The following SMURF2 variants were observed in gnomAD, a reference collection of about 807,000 sequenced individuals.
SMURF2 encodes the protein SMAD specific E3 ubiquitin protein ligase 2.
Under a neutral mutation model 109.6 loss-of-function variants are expected in SMURF2, and 48 were observed. That is an observed-to-expected ratio of 0.44 (90% confidence interval 0.35 to 0.56). The LOEUF (loss-of-function observed/expected upper bound fraction) is 0.56, where lower values mean the gene tolerates loss of function less well. SMURF2 is among the 20% of genes least tolerant of loss of function. The pLI, the probability that SMURF2 is intolerant of heterozygous loss-of-function variation, is 0.01. For missense variants in SMURF2, 575 were observed against 909.0 expected, an observed-to-expected ratio of 0.63 and a Z score of 4.72; for synonymous variants, 288 against 317.1, an observed-to-expected ratio of 0.91 and a Z score of 0.97.
intron 1 of SMURF2, among the ~76,000 whole-genome samples, chr17:64,627,977 T>C (rs1164569869): frequency 6.6e-6 from 1 of 152,172 alleles, no homozygotes; most frequent in Non-Finnish European, 1.5e-5. Flanking sequence ...CAATCTTTGG[T>C]CTCCAACAGT....
At chr17:64,583,325 G>A in intron 7 of SMURF2, 136 bp downstream of exon 7, 1 of 661,348 alleles carries the variant, frequency 1.5e-6, no homozygotes. Context: ...AATAACAATG[G>A]CACCTGTTAT....
At chr17:64,632,150 G>A (rs1408530327) in intron 1 of SMURF2, among the ~76,000 whole-genome samples, 1 of 151,950 alleles carries the variant, frequency 6.6e-6, no homozygotes, top group African/African-American at 2.4e-5. Flanking sequence ...GTAGAGACGG[G>A]GTTTCACTAT....
At chr17:64,647,221 C>T (rs1415884353) in intron 1 of SMURF2, among the ~76,000 whole-genome samples, 1 of 151,520 alleles carries the variant, frequency 6.6e-6, no homozygotes, top group African/African-American at 2.4e-5. Context: ...AGTCTTCTTC[C>T]TTGCTAGAAA....
At chr17:64,568,454 CCT>C (rs1282393656) in intron 10 of SMURF2, among the ~76,000 whole-genome samples, 1 of 152,114 alleles carries the variant, frequency 6.6e-6, no homozygotes, top group African/African-American at 2.4e-5. Context: ...GCTTCCTGGG[CCT>C]CTCAGAGAGC....
At chr17:64,611,227 A>G (rs1250857335) in intron 1 of SMURF2, among the ~76,000 whole-genome samples, 1 of 152,110 alleles carries the variant, frequency 6.6e-6, no homozygotes, top group Non-Finnish European at 1.5e-5. Context: ...GAGAATCCAC[A>G]TTTTTCCTGG....
intron 1 of SMURF2, among the ~76,000 whole-genome samples, chr17:64,649,414 A>C (rs897123715): frequency 6.6e-6 from 1 of 152,058 alleles, no homozygotes; most frequent in Non-Finnish European, 1.5e-5. Context: ...CTACAATCCA[A>C]CTCCAAAATC....
intron 1 of SMURF2, among the ~76,000 whole-genome samples, chr17:64,632,021 G>A (rs191814659): frequency 3.1e-5 from 4 of 127,296 alleles, no homozygotes; most frequent in Admixed American, 3.1e-4. Flanking sequence ...ACAATGTTGC[G>A]ATCTCGGCTC....
chr17:64,597,285 C>A (rs1278170686), intron 3 of SMURF2, among the ~76,000 whole-genome samples: 1 of 152,030 alleles, frequency 6.6e-6, no homozygotes, highest in Admixed American at 6.6e-5. Context: ...TGGTGGCATG[C>A]ACCTGTAGTT....
intron 1 of SMURF2, among the ~76,000 whole-genome samples, chr17:64,635,314 G>A (rs572614499): frequency 8.5e-5 from 13 of 152,230 alleles, no homozygotes; most frequent in African/African-American, 2.2e-4. Flanking sequence ...GCGACAGAGC[G>A]AGACTAGGTC....
chr17:64,599,854 A>G (rs1260299826), intron 2 of SMURF2, among the ~76,000 whole-genome samples: 2 of 152,216 alleles, frequency 1.3e-5, no homozygotes, highest in Non-Finnish European at 1.5e-5. Context: ...TCCTAGCAAA[A>G]GGAAGAGCAC....
intron 1 of SMURF2, among the ~76,000 whole-genome samples, chr17:64,621,812 G>A (rs62073216): frequency 0.04 from 6,034 of 150,902 alleles, 265 homozygotes; most frequent in East Asian, 0.25. Context: ...CCCGGGAGGC[G>A]GAGGTAGCAG....
chr17:64,583,438 A>G, intron 7 of SMURF2, 23 bp downstream of exon 7: 1 of 1,588,878 alleles, frequency 6.3e-7, no homozygotes, highest in African/African-American at 1.3e-5. Flanking sequence ...ATAGATCATG[A>G]GAAAATATTT....
Position 64,662,219 on chromosome 17 carries a change from G to A in SMURF2, c.-339C>T, listed in dbSNP as rs927770915. 2 of 983,220 alleles carry A rather than the reference G, an allele frequency of 2.0e-6. No individual in the cohort carries two copies. Among genetic ancestry groups the A allele is most frequent in the Non-Finnish European group, 2.4e-6 (2 of 829,136 alleles). The allele number at this position is 983,220 out of a possible 1,614,324, so 60.9% of individuals were successfully genotyped here. On this transcript the variant is annotated 5_prime_UTR_variant, in exon 1 of 19. Coordinates refer to ENST00000262435, the MANE Select transcript of SMURF2 (RefSeq NM_022739.4). The stretch of plus-strand genomic sequence containing the variant: ...TCTCGGCGAGGCCCAGTAGCCGACG[G>A]GGCTGGTCGGCTGAAGCGGGCGGTG...
intron 1 of SMURF2, among the ~76,000 whole-genome samples, chr17:64,656,870 AAATAT>A (rs1970713038): frequency 6.6e-6 from 1 of 152,154 alleles, no homozygotes; most frequent in African/African-American, 2.4e-5. Flanking sequence ...TCTAAACAGC[AAATAT>A]ATTAAAGCTT....
intron 9 of SMURF2, 128 bp downstream of exon 9, chr17:64,578,364 G>C (rs986502251): frequency 6.2e-6 from 4 of 641,188 alleles, no homozygotes; most frequent in African/African-American, 5.5e-5. Flanking sequence ...TAAAACTGAA[G>C]TAACTATCAG....
At chr17:64,573,303 C>G (rs953205615) in intron 9 of SMURF2, among the ~76,000 whole-genome samples, 1 of 139,962 alleles carries the variant, frequency 7.1e-6, no homozygotes, top group Non-Finnish European at 1.5e-5. Flanking sequence ...AAGATAAAAG[C>G]AGCATGTTTA....
In SMURF2 at chr17:64,571,921, G is replaced by A. The variant is rs782148640; in HGVS notation, c.893C>T (p.Pro298Leu). Reference protein sequence around the residue: ...LSNINCEELGPLPPGWEIRNT... With the variant: ...LSNINCEELGLLPPGWEIRNT... ...ACGGATCTCCCATCCAGGAGGCAAT[G>A]GACCAAGCTCTTCACAATTGATGTT... The change falls in exon 10 of 19, where the codon CCA (proline) becomes CTA (leucine). Residue 298 changes from proline to leucine, a missense_variant. Pro to Leu is a moderately conservative substitution (Grantham distance 98, BLOSUM62 -3). This residue lies in a region of SMURF2 where 361 missense variants were observed against 612.1 expected (regional missense o/e 0.59). Transcript: ENST00000262435. 6.2e-7 allele frequency: 1 copy of A among 1,613,450 alleles called. No homozygotes were observed.
At chr17:64,546,838 T>C (rs1968960824) in intron 17 of SMURF2, among the ~76,000 whole-genome samples, 1 of 152,234 alleles carries the variant, frequency 6.6e-6, no homozygotes, top group East Asian at 1.9e-4. Context: ...ATCTGGGAAG[T>C]GTGAGGATGA....
intron 9 of SMURF2, among the ~76,000 whole-genome samples, chr17:64,577,317 C>T (rs1969507144): frequency 6.6e-6 from 1 of 151,608 alleles, no homozygotes; most frequent in Admixed American, 6.6e-5. Context: ...AAAAAACAAA[C>T]ACTGCATGTT....
Sources: allele counts gnomAD v4.1 joint callset (sites outside exome capture counted in the v4.1 genomes callset), GRCh38; gene constraint gnomAD v4.1.1; regional missense constraint gnomAD v4.1.1; transcripts MANE v1.5; gene names NCBI Gene and HGNC (gene_info 2026-07-23, HGNC 2026-07-21).